The following ITSN1 variants were observed in gnomAD, a reference collection of about 807,000 sequenced individuals.
ITSN1 encodes intersectin-1.
In ITSN1, 58 loss-of-function variants were observed where a neutral mutation model predicts 239.8. The ratio of observed to expected loss-of-function variants is 0.24; its 90% CI spans 0.20 to 0.30. The LOEUF (loss-of-function observed/expected upper bound fraction) is 0.30. Among genes scored for constraint, ITSN1 ranks in the 10% least tolerant of loss-of-function variants. ITSN1 has a pLI of 1.00. For synonymous variants in ITSN1, 780 were observed against 770.8 expected, an observed-to-expected ratio of 1.01 and a Z score of -0.20; for missense variants, 1,558 against 2,103.3, an observed-to-expected ratio of 0.74 and a Z score of 5.07.
At chr21:33,815,046 A>G (rs1285580537) in intron 22 of ITSN1, among the ~76,000 whole-genome samples, 1 of 152,192 alleles carries the variant, frequency 6.6e-6, no homozygotes, top group Non-Finnish European at 1.5e-5. Flanking sequence ...ATGCGCAGTT[A>G]AAGGGAAGAG....
At chr21:33,731,404 C>T (rs764155057) in intron 4 of ITSN1, among the ~76,000 whole-genome samples, 25 of 152,112 alleles carry the variant, frequency 1.6e-4, no homozygotes, top group Non-Finnish European at 3.1e-4. Context: ...CCCACCAAAC[C>T]GTTTTAAATA....
Position 33,761,958 on chromosome 21 carries a change from T to G in ITSN1, c.760T>G (p.Leu254Val). ...AAGAACTATTCTTATGCAGTCAAGT[T>G]TACCACAGGCTCAGCTGGCTTCAAT... ...QARTILMQSS[L>V]PQAQLASIWN... is the part of the protein sequence containing the mutation. The change falls in exon 9 of 40, where the codon TTA (leucine) becomes GTA (valine). Residue 254 changes from leucine (L) to valine (V), a missense_variant. Leu to Val is a conservative substitution (Grantham distance 32, BLOSUM62 1). Around this residue, in one of 2 missense-constraint regions of ITSN1, gnomAD observed 982 missense variants for 1,209.9 expected, o/e 0.81. Transcript: ENST00000381318. The G allele has an allele frequency of 6.2e-7, 1 of 1,613,944 alleles. No individual in the cohort carries two copies. The highest frequency in any genetic ancestry group is 2.2e-5 in the East Asian group (1 of 44,868).
At chr21:33,807,542 T>C (rs1410097634) in intron 20 of ITSN1, among the ~76,000 whole-genome samples, 1 of 152,186 alleles carries the variant, frequency 6.6e-6, no homozygotes, top group African/African-American at 2.4e-5. Flanking sequence ...TTCACCAGCC[T>C]GAAACTCCTG....
chr21:33,650,878 A>G (rs1239163567), intron 1 of ITSN1, among the ~76,000 whole-genome samples: 2 of 152,224 alleles, frequency 1.3e-5, no homozygotes, highest in Non-Finnish European at 2.9e-5. Context: ...ATGAGAATAG[A>G]TCTGTATTAT....
At chr21:33,770,087 G>C (rs1270700852) in intron 11 of ITSN1, among the ~76,000 whole-genome samples, 1 of 141,548 alleles carries the variant, frequency 7.1e-6, no homozygotes, top group East Asian at 2.2e-4. Context: ...TTTTGAGATG[G>C]AGTTTTGCTC....
At chr21:33,655,889 T>G (rs2089025358) in intron 1 of ITSN1, among the ~76,000 whole-genome samples, 1 of 151,960 alleles carries the variant, frequency 6.6e-6, no homozygotes, top group South Asian at 2.1e-4. Context: ...AGTGATAAGT[T>G]TAAGTAGTCC....
intron 1 of ITSN1, among the ~76,000 whole-genome samples, chr21:33,692,963 AT>A (rs1292164754): frequency 3.9e-5 from 6 of 151,914 alleles, no homozygotes; most frequent in Non-Finnish European, 7.4e-5. Flanking sequence ...TGCCAGGCTG[AT>A]TTTTGTATTT....
intron 27 of ITSN1, among the ~76,000 whole-genome samples, chr21:33,833,316 T>A (rs1405471118): frequency 3.3e-5 from 5 of 152,194 alleles, no homozygotes. Flanking sequence ...GCTTTAGTCA[T>A]CACATGGGCC....
intron 1 of ITSN1, among the ~76,000 whole-genome samples, chr21:33,658,651 G>A (rs916088532): frequency 4.6e-5 from 7 of 152,140 alleles, no homozygotes; most frequent in Non-Finnish European, 8.8e-5. Context: ...TCCATTGGGC[G>A]CTTAAAACTT....
intron 1 of ITSN1, among the ~76,000 whole-genome samples, chr21:33,713,019 G>A (rs752540201): frequency 9.2e-5 from 14 of 151,584 alleles, no homozygotes; most frequent in Non-Finnish European, 1.6e-4. Context: ...CTGGGATTAC[G>A]AGTGCCCACC....
chr21:33,874,657 T>C (rs1983396324), intron 33 of ITSN1, among the ~76,000 whole-genome samples: 2 of 148,830 alleles, frequency 1.3e-5, no homozygotes, highest in Admixed American at 1.3e-4. Flanking sequence ...TTTCTTTCTT[T>C]TTTTTTTTTT....
chr21:33,837,809 T>C (rs1168936118), intron 29 of ITSN1: 6 of 985,778 alleles, frequency 6.1e-6, no homozygotes, highest in Non-Finnish European at 7.2e-6. Context: ...ATTTATCTGG[T>C]TGAGTTGGTG....
At chr21:33,716,947 A>G (rs2065181106) in intron 1 of ITSN1, among the ~76,000 whole-genome samples, 1 of 151,804 alleles carries the variant, frequency 6.6e-6, no homozygotes, top group Non-Finnish European at 1.5e-5. Context: ...AAAAAAAAAA[A>G]AAGTGAAAGA....
rs1986743042 is a variant in ITSN1, at chr21:33,895,777, C to T, written c.*7477C>T. On this transcript the variant is annotated 3_prime_UTR_variant, in exon 40 of 40. Coordinates refer to ENST00000381318, the MANE Select transcript of ITSN1 (RefSeq NM_003024.3). ...CCTAGGGGGATGCATGGCTCTGTGC[C>T]TTGGAGAGGGAAACAGGAAATACGT... 6.6e-6 allele frequency: 1 copy of T among 152,310 alleles called. No homozygotes were observed. The highest frequency in any genetic ancestry group is 2.4e-5 in the African/African-American group (1 of 41,442). 9.4% of individuals were successfully genotyped at this position (152,310 alleles called of 1,614,324 possible). A position where few individuals can be genotyped will look rare whatever the true frequency, so the allele number is the denominator to read the frequency against.
In ITSN1 at chr21:33,894,896, T is replaced by C. The variant is rs1986605627; in HGVS notation, c.*6596T>C. 6.6e-6 allele frequency: 1 copy of C among 152,254 alleles called. No individual in the cohort carries two copies. Among genetic ancestry groups the C allele is most frequent in the Non-Finnish European group, 1.5e-5 (1 of 68,076 alleles). The allele number at this position is 152,254 out of a possible 1,614,324, so 9.4% of individuals were successfully genotyped here. Reference sequence around the variant, plus strand: ...CCGGCGGGGGTGGAGGGTCTCCCTGTAGGAGGAGGAAACTCGCTGTTTTCA... The same window carrying C: ...CCGGCGGGGGTGGAGGGTCTCCCTGCAGGAGGAGGAAACTCGCTGTTTTCA... On this transcript the variant is annotated 3_prime_UTR_variant, in exon 40 of 40. Coordinates refer to ENST00000381318, the MANE Select transcript of ITSN1 (RefSeq NM_003024.3).
Position 33,829,712 on chromosome 21 carries a change from G to A in ITSN1, c.3318G>A (p.Lys1106=). ...APGQLILIRK[K]NPGGWWEGEL... ...GTCAGCTGATTTTGATCCGAAAAAA[G>A]AACCCAGGTGGATGGTGGGAAGGAG... The change falls in exon 27 of 40, where the codon AAG becomes AAA. Residue 1106 remains lysine (K), a synonymous_variant. Coordinates refer to ENST00000381318, the MANE Select transcript of ITSN1 (RefSeq NM_003024.3). 6.2e-7 allele frequency: 1 copy of A among 1,613,506 alleles called. No individual in the cohort carries two copies. Among genetic ancestry groups the A allele is most frequent in the South Asian group, 1.1e-5 (1 of 91,048 alleles).
intron 29 of ITSN1, among the ~76,000 whole-genome samples, chr21:33,846,946 A>G (rs926951436): frequency 1.1e-4 from 17 of 152,238 alleles, no homozygotes; most frequent in Admixed American, 1.1e-3. Context: ...AGTACTGTCT[A>G]TTTATGTATG....
chr21:33,788,146 C>A (rs1451847675), intron 16 of ITSN1, among the ~76,000 whole-genome samples: 1 of 152,146 alleles, frequency 6.6e-6, no homozygotes, highest in African/African-American at 2.4e-5. Flanking sequence ...ATTTTCAGGA[C>A]AAAATGGAAT....
chr21:33,892,484 A>T lies in ITSN1; in HGVS notation c.*4184A>T, dbSNP rs568952775. 1 of 152,352 alleles carries T rather than the reference A, an allele frequency of 6.6e-6. No homozygotes were observed. Among genetic ancestry groups the T allele is most frequent in the African/African-American group, 2.4e-5 (1 of 41,570 alleles). The allele number at this position is 152,352 out of a possible 1,614,324, so 9.4% of individuals were successfully genotyped here. ...AATGCTTGTGTTTCTCTATGTTTTC[A>T]GTTCATTTGTTCAAATGACCCAGAA... On this transcript the variant is annotated 3_prime_UTR_variant, in exon 40 of 40. Coordinates refer to ENST00000381318, the MANE Select transcript of ITSN1 (RefSeq NM_003024.3).
Sources: allele counts gnomAD v4.1 joint callset (sites outside exome capture counted in the v4.1 genomes callset), GRCh38; gene constraint gnomAD v4.1.1; regional missense constraint gnomAD v4.1.1; transcripts MANE v1.5; gene names NCBI Gene and HGNC (gene_info 2026-07-23, HGNC 2026-07-21).